The following KRT4 variants were observed in gnomAD, a reference collection of about 807,000 sequenced individuals.
KRT4 encodes the protein keratin, type II cytoskeletal 4.
In KRT4, 47 loss-of-function variants were observed where a neutral mutation model predicts 50.6. That is an observed-to-expected ratio of 0.93 (90% CI 0.73 to 1.18). The LOEUF is 1.18. KRT4 is among the 50% of genes most tolerant of loss of function. KRT4 has a pLI of 0.00. For synonymous variants in KRT4, 254 were observed against 251.2 expected, an observed-to-expected ratio of 1.01 and a Z score of -0.10; for missense variants, 651 against 645.7, an observed-to-expected ratio of 1.01 and a Z score of -0.09.
In KRT4 at chr12:52,814,002, C is replaced by T. The variant is rs745724498; in HGVS notation, c.57G>A (p.Ser19=). The T allele has an allele frequency of 1.4e-5, 23 of 1,609,856 alleles. No individual in the cohort carries two copies. In the Admixed American group the frequency reaches 2.4e-4, roughly 16 times the overall value. The change falls in exon 1 of 9, where the codon TCG becomes TCA. Residue 19 remains serine (S), a synonymous_variant. Transcript: ENST00000551956. ...RGGPRGFSCG[S]AIVGGGKRGA... ...CTCTCTTGCCACCGCCTACAATGGCCGAGCCACAGCTGAAGCCCCGGGGCC... is the reference window on the plus strand; with the variant it reads ...CTCTCTTGCCACCGCCTACAATGGCTGAGCCACAGCTGAAGCCCCGGGGCC...
Position 52,811,619 on chromosome 12 carries a change from T to A in KRT4, c.677+144A>T, listed in dbSNP as rs1939911289. 5 of 695,190 alleles carry A rather than the reference T, an allele frequency of 7.2e-6. No individual in the cohort carries two copies. The South Asian group carries it at 8.3e-5, about 11-fold the overall frequency. 43.1% of individuals were successfully genotyped at this position (695,190 alleles called of 1,614,324 possible). The stretch of plus-strand genomic sequence containing the variant: ...AGACCTCACCCTGAGAAAACGTGAC[T>A]ATGTGGATGTAGCAAAACAGACTAG... On this transcript the variant is annotated intron_variant, in intron 2 of 8. Transcript: ENST00000551956.
At chr12:52,811,703 G>A (rs1478217626) in intron 2 of KRT4, 60 bp downstream of exon 2, 2 of 1,394,900 alleles carry the variant, frequency 1.4e-6, no homozygotes, top group Non-Finnish European at 2.0e-6. Flanking sequence ...AGAGCCCCGG[G>A]AGCCTGGGTG....
intron 6 of KRT4, 106 bp from the exon 7 acceptor site, chr12:52,807,970 T>C (rs1452188057): frequency 2.0e-6 from 2 of 1,012,226 alleles, no homozygotes; most frequent in East Asian, 5.1e-5. Context: ...GATGTCAAGA[T>C]TCTATCTGTT....
intron 3 of KRT4, among the ~76,000 whole-genome samples, chr12:52,809,986 A>C (rs1939880655): frequency 6.6e-6 from 1 of 152,238 alleles, no homozygotes; most frequent in South Asian, 2.1e-4. Flanking sequence ...CATTATCTTA[A>C]GTGAAACAAC....
At chr12:52,811,741 C>A (rs377556189) in intron 2 of KRT4, 22 bp downstream of exon 2, 3 of 1,590,552 alleles carry the variant, frequency 1.9e-6, no homozygotes, top group Non-Finnish European at 2.6e-6. Context: ...CAGATGGCGT[C>A]CCCTCCTTCC....
chr12:52,807,129 A>G lies in KRT4; in HGVS notation c.1503T>C (p.Ser501=). 6.2e-7 allele frequency: 1 copy of G among 1,614,144 alleles called. No homozygotes were observed. The highest frequency in any genetic ancestry group is 8.5e-7 in the Non-Finnish European group (1 of 1,180,022). The change falls in exon 9 of 9, where the codon AGT becomes AGC. Residue 501 remains serine (S), a synonymous_variant. Transcript: ENST00000551956. Reference sequence around the variant, plus strand: ...TCTTGCTGCTGGAACTGCCAGAGACACTGCCACCAAACCCAAAGCCACTTC... The same window carrying G: ...TCTTGCTGCTGGAACTGCCAGAGACGCTGCCACCAAACCCAAAGCCACTTC... The part of the protein sequence containing the change: ...GSGSGFGFGG[S]VSGSSSSKII...
chr12:52,814,003 G>T lies in KRT4; in HGVS notation c.56C>A (p.Ser19Ter). The change falls in exon 1 of 9, where the codon TCG becomes TAG. Residue 19 changes from serine to a stop codon, truncating the protein, a stop_gained. Transcript: ENST00000551956. LOFTEE classifies it high-confidence loss of function. ...TCTCTTGCCACCGCCTACAATGGCC[G>T]AGCCACAGCTGAAGCCCCGGGGCCC... is the stretch of plus-strand genomic sequence containing the variant. ...RGGPRGFSCG[S>*]AIVGGGKRGA... 6.2e-7 allele frequency: 1 copy of T among 1,614,092 alleles called. No homozygotes were observed. Among genetic ancestry groups the T allele is most frequent in the Non-Finnish European group, 8.5e-7 (1 of 1,180,000 alleles).
intron 4 of KRT4, chr12:52,809,125 A>C (rs1033362077): frequency 4.3e-5 from 27 of 620,724 alleles, no homozygotes; most frequent in Non-Finnish European, 6.0e-5. Context: ...CCAGAAAAAA[A>C]ATGCTAGACA....
Position 52,811,914 on chromosome 12 carries a change from T to A in KRT4, c.526A>T (p.Thr176Ser). 6.2e-7 allele frequency: 1 copy of A among 1,614,016 alleles called. No homozygotes were observed. Among genetic ancestry groups the A allele is most frequent in the Non-Finnish European group, 8.5e-7 (1 of 1,180,020 alleles). The part of the protein sequence containing the change: ...ETKWNLLQQQ[T>S]TTTSSKNLEP... ...AGGTTTTTGCTGGAGGTGGTGGTCG[T>A]CTGCTGCTGGAGCAGGTTCCATTTG... is the stretch of plus-strand genomic sequence containing the variant. Residue 176 changes from threonine to serine, a missense_variant, in exon 2 of 9, where the codon ACG (threonine) becomes TCG (serine). By Grantham distance (58) the Thr-to-Ser change is moderately conservative. Transcript: ENST00000551956.
At chr12:52,807,581 TA>T in intron 7 of KRT4, 62 bp downstream of exon 7, 1 of 1,576,044 alleles carries the variant, frequency 6.3e-7, no homozygotes, top group East Asian at 2.2e-5. Flanking sequence ...GGCAGAGGCA[TA>T]AATAAGCTCA....
At chr12:52,812,046 C>T (rs1333287873) in intron 1 of KRT4, 69 bp from the exon 2 acceptor site, 8 of 1,249,274 alleles carry the variant, frequency 6.4e-6, no homozygotes, top group South Asian at 3.8e-5. Flanking sequence ...GCCAAGGCAA[C>T]ACCAACCCAG....
intron 7 of KRT4, 60 bp from the exon 8 acceptor site, chr12:52,807,453 T>C (rs1939819798): frequency 6.3e-7 from 1 of 1,590,436 alleles, no homozygotes. Context: ...TCAATAAGCA[T>C]GCCTCACTCA....
Position 52,809,395 on chromosome 12 carries a change from G to A in KRT4, c.822C>T (p.Val274=). Residue 274 remains valine, a synonymous_variant, in exon 4 of 9, where the codon GTC becomes GTT. Transcript: ENST00000551956. ...ATGGAGCCCTCACCGCATCATAGAG[G>A]ACCTTCAGGAAGTTGATCTCGTCAT... ...SLNDEINFLK[V]LYDAELSQMQ... The A allele has an allele frequency of 6.2e-7, 1 of 1,612,840 alleles. No individual in the cohort carries two copies. The highest frequency in any genetic ancestry group is 8.5e-7 in the Non-Finnish European group (1 of 1,178,794).
intron 7 of KRT4, 59 bp from the exon 8 acceptor site, chr12:52,807,452 A>G: frequency 6.3e-7 from 1 of 1,592,954 alleles, no homozygotes; most frequent in Non-Finnish European, 8.6e-7. Context: ...TTCAATAAGC[A>G]TGCCTCACTC....
chr12:52,810,674 C>T (rs1939894064), intron 3 of KRT4, 82 bp downstream of exon 3: 16 of 1,172,480 alleles, frequency 1.4e-5, no homozygotes, highest in East Asian at 2.3e-5. Flanking sequence ...AGAGATGGAC[C>T]AAACCCATGA....
intron 2 of KRT4, chr12:52,811,385 CAG>C: frequency 3.6e-6 from 1 of 276,594 alleles, no homozygotes; most frequent in Non-Finnish European, 6.9e-6. Context: ...AACTGAAGCT[CAG>C]AGAGGTTCAG....
chr12:52,811,073 G>T (rs1939903087), intron 2 of KRT4: 4 of 500,424 alleles, frequency 8.0e-6, no homozygotes, highest in South Asian at 4.5e-5. Flanking sequence ...ACCCAGCAAT[G>T]ATGTAGTTGA....
chr12:52,808,111 C>T (rs965005946), intron 6 of KRT4, among the ~76,000 whole-genome samples, 183 bp downstream of exon 6: 24 of 152,144 alleles, frequency 1.6e-4, no homozygotes, highest in South Asian at 6.2e-4. Context: ...TGCACAGGAG[C>T]GTCATGGTGT....
intron 4 of KRT4, 77 bp downstream of exon 4, chr12:52,809,306 A>T (rs1939864341): frequency 1.7e-6 from 2 of 1,148,768 alleles, no homozygotes; most frequent in Admixed American, 1.7e-5. Flanking sequence ...CCTTTCAAAA[A>T]ACTGTGAATC....
Sources: allele counts gnomAD v4.1 joint callset (sites outside exome capture counted in the v4.1 genomes callset), GRCh38; gene constraint gnomAD v4.1.1; transcripts MANE v1.5; gene names NCBI Gene and HGNC (gene_info 2026-07-23, HGNC 2026-07-21).